NBEA: variants seen among roughly 807,000 people sequenced by gnomAD.
The protein encoded by NBEA is lysosomal-trafficking regulator 2.
In NBEA, 44 loss-of-function variants were observed where a neutral mutation model predicts 343.4. That is an observed-to-expected ratio of 0.13 (90% CI 0.10 to 0.16). NBEA has a LOEUF of 0.16. Among genes scored for constraint, NBEA ranks in the 10% least tolerant of loss-of-function variants. The pLI, the probability that NBEA is intolerant of heterozygous loss-of-function variation, is 1.00. For missense variants in NBEA, 2,555 were observed against 3,631.3 expected, an observed-to-expected ratio of 0.70 and a Z score of 7.62; for synonymous variants, 1,175 against 1,238.7, an observed-to-expected ratio of 0.95 and a Z score of 1.08.
rs574575859 is a variant in NBEA, at chr13:35,382,868, T to C, written c.6179+30545T>C. 7.2e-5 allele frequency among the ~76,000 whole-genome samples: 11 copies of C among 152,354 alleles called. No individual in the cohort carries two copies. In the South Asian group the frequency reaches 2.3e-3, roughly 32 times the overall value. On this transcript the variant is annotated intron_variant, in intron 38 of 58. Transcript: ENST00000379939. ...CCCTAGTTTAGACTTTTATGGGCTGTATTTCAAATTCAAACTTTTGCTACA... is the reference window on the plus strand; with the variant it reads ...CCCTAGTTTAGACTTTTATGGGCTGCATTTCAAATTCAAACTTTTGCTACA...
intron 25 of NBEA, among the ~76,000 whole-genome samples, chr13:35,169,238 G>A (rs760047064): frequency 4.5e-4 from 68 of 151,670 alleles, no homozygotes; most frequent in Middle Eastern, 6.8e-3. Flanking sequence ...TGGTGTTACA[G>A]TCATATGTAC....
chr13:35,314,637 T>C lies in NBEA; in HGVS notation c.5903+5045T>C, dbSNP rs574626153. Among the ~76,000 whole-genome samples, 13 of 152,298 alleles carry C rather than the reference T, an allele frequency of 8.5e-5. No individual in the cohort carries two copies. The South Asian group carries it at 1.0e-3, about 12-fold the overall frequency. ...CTGAGTTCAAATATCAGTTCTCCCA[T>C]TGATAAGCTGTTAGACAACAGGCAA... On this transcript the variant is annotated intron_variant, in intron 36 of 58. Transcript: ENST00000379939.
chr13:35,044,825 T>TAG (rs758847547), intron 2 of NBEA, 122 bp from the exon 3 acceptor site: 14 of 517,542 alleles, frequency 2.7e-5, no homozygotes, highest in East Asian at 1.3e-4. Flanking sequence ...CATATATATA[T>TAG]ATATAGAGAG....
intron 10 of NBEA, among the ~76,000 whole-genome samples, chr13:35,076,334 G>C (rs1385395259): frequency 1.3e-5 from 2 of 151,852 alleles, no homozygotes; most frequent in African/African-American, 4.8e-5. Flanking sequence ...TTTTAGAAGA[G>C]AAAAATGAAG....
At chr13:35,158,013 C>G (rs527317733) in intron 21 of NBEA, among the ~76,000 whole-genome samples, 161 of 152,192 alleles carry the variant, frequency 1.1e-3, no homozygotes, top group African/African-American at 3.8e-3. Flanking sequence ...GCTCTATAGC[C>G]TCTGATGCAG....
At chr13:35,366,605 T>G in intron 38 of NBEA, among the ~76,000 whole-genome samples, 1 of 150,438 alleles carries the variant, frequency 6.6e-6, no homozygotes, top group South Asian at 2.1e-4. Flanking sequence ...TTTCTCTAGT[T>G]CATTCATTTT....
intron 34 of NBEA, among the ~76,000 whole-genome samples, chr13:35,261,213 T>G (rs1203945556): frequency 6.6e-6 from 1 of 152,156 alleles, no homozygotes; most frequent in Non-Finnish European, 1.5e-5. Context: ...GATGTTTAAA[T>G]ATTTAAAGTA....
chr13:35,276,298 A>G (rs967117716), intron 34 of NBEA, among the ~76,000 whole-genome samples: 18 of 152,036 alleles, frequency 1.2e-4, no homozygotes, highest in African/African-American at 3.9e-4. Flanking sequence ...CCAGGAAAAT[A>G]CCAAAAAAAA....
At chr13:35,214,115 T>C (rs2073937571) in intron 33 of NBEA, among the ~76,000 whole-genome samples, 1 of 151,996 alleles carries the variant, frequency 6.6e-6, no homozygotes, top group South Asian at 2.1e-4. Flanking sequence ...TATCCCATTA[T>C]ATGGCTATTA....
intron 27 of NBEA, among the ~76,000 whole-genome samples, chr13:35,174,001 T>G (rs2070681622): frequency 6.6e-6 from 1 of 152,178 alleles, no homozygotes; most frequent in Non-Finnish European, 1.5e-5. Flanking sequence ...CTATTAGTTT[T>G]CTTTCTAAAT....
intron 34 of NBEA, among the ~76,000 whole-genome samples, chr13:35,278,300 C>T (rs1383423462): frequency 6.6e-6 from 1 of 151,676 alleles, no homozygotes; most frequent in Non-Finnish European, 1.5e-5. Context: ...AGTTGAAAGG[C>T]AGTTTTAAAG....
intron 39 of NBEA, among the ~76,000 whole-genome samples, chr13:35,441,130 A>G (rs1294932381): frequency 6.6e-6 from 1 of 152,160 alleles, no homozygotes; most frequent in Non-Finnish European, 1.5e-5. Context: ...TCTCTGGGCC[A>G]ATTGTTTGCC....
intron 35 of NBEA, among the ~76,000 whole-genome samples, chr13:35,301,051 A>G (rs1245732779): frequency 6.6e-6 from 1 of 152,150 alleles, no homozygotes; most frequent in Non-Finnish European, 1.5e-5. Flanking sequence ...TCTGAGGAGG[A>G]AAATATACTT....
chr13:35,271,969 A>G (rs556418828), intron 34 of NBEA, among the ~76,000 whole-genome samples: 1 of 152,334 alleles, frequency 6.6e-6, no homozygotes, highest in African/African-American at 2.4e-5. Flanking sequence ...CAACCTAGCA[A>G]GACAGGCCAA....
At chr13:35,402,084 T>C (rs1342001115) in intron 38 of NBEA, among the ~76,000 whole-genome samples, 3 of 151,902 alleles carry the variant, frequency 2.0e-5, no homozygotes, top group Admixed American at 6.6e-5. Context: ...ATTACCTAAA[T>C]TGGGGAAATA....
chr13:35,155,335 T>C (rs2069093403), intron 18 of NBEA, among the ~76,000 whole-genome samples: 1 of 151,938 alleles, frequency 6.6e-6, no homozygotes, highest in Non-Finnish European at 1.5e-5. Flanking sequence ...TTAAAAAGTC[T>C]CTTTAGGGCT....
At chr13:35,285,676 T>G (rs969399739) in intron 34 of NBEA, among the ~76,000 whole-genome samples, 10 of 152,202 alleles carry the variant, frequency 6.6e-5, no homozygotes, top group African/African-American at 2.4e-4. Context: ...GTCACCATCT[T>G]GAGCTCAAGC....
intron 41 of NBEA, among the ~76,000 whole-genome samples, chr13:35,511,276 T>C (rs1461977): frequency 0.85 from 129,693 of 151,884 alleles, 55,560 homozygotes; most frequent in Admixed American, 0.88. Context: ...AATACCTATT[T>C]TATTCTCTGC....
chr13:35,616,093 C>T (rs138938567), intron 48 of NBEA, among the ~76,000 whole-genome samples: 369 of 152,200 alleles, frequency 2.4e-3, no homozygotes, highest in African/African-American at 8.5e-3. Context: ...CTGGAATACA[C>T]CTTTATTTGA....
Sources: gnomAD v4.1 joint callset for allele counts (sites outside exome capture counted in the v4.1 genomes callset) on GRCh38, gnomAD v4.1.1 for gene constraint, MANE v1.5 for transcripts, NCBI Gene and HGNC (gene_info 2026-07-23, HGNC 2026-07-21) for gene names.